GLYATL1: variants seen among roughly 807,000 people sequenced by gnomAD.
GLYATL1 encodes glycine-N-acyltransferase like 1, also known as glycine N-acyltransferase-like protein 1.
In GLYATL1, 15 loss-of-function variants were observed where a neutral mutation model predicts 20.0. That is an observed-to-expected ratio of 0.75 (90% CI 0.50 to 1.15). The LOEUF (loss-of-function observed/expected upper bound fraction) is 1.15, where lower values mean the gene tolerates loss of function less well. Among genes scored for constraint, GLYATL1 ranks in the 50% most tolerant of loss-of-function variants. GLYATL1 has a pLI of 0.00. For synonymous variants in GLYATL1, 151 were observed against 131.5 expected, an observed-to-expected ratio of 1.15 and a Z score of -1.01; for missense variants, 380 against 368.5, an observed-to-expected ratio of 1.03 and a Z score of -0.26.
chr11:58,918,504 T>C (rs1382700101), intron 1 of GLYATL1, among the ~76,000 whole-genome samples: 1 of 152,196 alleles, frequency 6.6e-6, no homozygotes, highest in African/African-American at 2.4e-5. Flanking sequence ...CCATGTAGTA[T>C]GCATGCAGGG....
In GLYATL1 at chr11:58,943,673, TC is replaced by T; in HGVS notation, c.-43+10del. 3 of 1,611,612 alleles carry T rather than the reference TC, an allele frequency of 1.9e-6. No homozygotes were observed. The highest frequency in any genetic ancestry group is 8.5e-7 in the Non-Finnish European group (1 of 1,178,990). On this transcript the variant is annotated splice_region_variant and intron_variant, in intron 2 of 6. Transcript: ENST00000532726. Reference sequence around the variant, plus strand: ...GAGTGGCTGAGGATAATAGGTAAGCTCCCTCTCGCATTTTGGAGCTTCACAC... The same window carrying T: ...GAGTGGCTGAGGATAATAGGTAAGCTCCTCTCGCATTTTGGAGCTTCACAC...
At chr11:58,915,699 C>A (rs184136079) in intron 1 of GLYATL1, among the ~76,000 whole-genome samples, 1 of 152,170 alleles carries the variant, frequency 6.6e-6, no homozygotes, top group Non-Finnish European at 1.5e-5. Flanking sequence ...ACTCAGACAC[C>A]GATTGGGACT....
At position 58,956,001 on chromosome 11, in the gene GLYATL1, T is replaced by C. The variant is rs375657001; in HGVS notation, c.883T>C (p.Tyr295His). The stretch of plus-strand genomic sequence containing the variant: ...CTGTGAGTGGCACCAATGGACTTGC[T>C]ACCCACAGAATCTAGTTCCATTTTA... ...ASCEWHQWTC[Y>H]PQNLVPF Residue 295 changes from tyrosine to histidine, a missense_variant, in exon 7 of 7, where the codon TAC becomes CAC. Tyr to His is a moderately conservative substitution (Grantham distance 83). Transcript: ENST00000532726. 6.8e-6 allele frequency: 11 copies of C among 1,612,086 alleles called. No homozygotes were observed. In the African/African-American group the frequency reaches 1.1e-4, roughly 16 times the overall value.
chr11:58,943,251 T>G lies in GLYATL1; in HGVS notation c.-166-292T>G, dbSNP rs748177788. 4.6e-6 allele frequency: 7 copies of G among 1,519,712 alleles called. No individual in the cohort carries two copies. In the East Asian group the frequency reaches 7.4e-5, roughly 16 times the overall value. The allele number at this position is 1,519,712 out of a possible 1,614,324, so 94.1% of individuals were successfully genotyped here. On this transcript the variant is annotated intron_variant, in intron 1 of 6. Coordinates refer to ENST00000532726, the MANE Select transcript of GLYATL1 (RefSeq NM_001389712.2). ...GTGTGCACCTGTAACAATACTCCAG[T>G]GTTGGCCAATCCCAGCAGCCATACT...
chr11:58,946,843 T>C, intron 2 of GLYATL1: 1 of 611,964 alleles, frequency 1.6e-6, no homozygotes, highest in Non-Finnish European at 2.9e-6. Flanking sequence ...GAGACAGTCA[T>C]ATATGGTTTC....
At chr11:58,912,654 G>A (rs11229692), downstream of GLYATL1, among the ~76,000 whole-genome samples, 3,751 of 152,196 alleles carry the variant, frequency 0.025, 254 homozygotes, top group East Asian at 0.27. Context: ...CTTTATTTAC[G>A]TCTTATGGGA....
Position 58,947,887 on chromosome 11 carries a change from C to G in GLYATL1, c.108C>G (p.His36Gln), listed in dbSNP as rs762979756. 1 of 1,613,676 alleles carries G rather than the reference C, an allele frequency of 6.2e-7. No homozygotes were observed. Among genetic ancestry groups the G allele is most frequent in the South Asian group, 1.1e-5 (1 of 91,080 alleles). Residue 36 changes from histidine (H) to glutamine (Q), a missense_variant, in exon 4 of 7, where the codon CAC (histidine) becomes CAG (glutamine). By Grantham distance (24) the His-to-Gln change is conservative. Transcript: ENST00000532726. Reference sequence around the variant, plus strand: ...ATGGCTCTGTGTATCACATCAATCACGGGAACCCCTTCAACATGGAGGTGC... The same window carrying G: ...ATGGCTCTGTGTATCACATCAATCAGGGGAACCCCTTCAACATGGAGGTGC... ...KVYGSVYHIN[H>Q]GNPFNMEVLV...
upstream of GLYATL1, among the ~76,000 whole-genome samples, chr11:58,935,857 A>G (rs1354099013): frequency 6.6e-6 from 1 of 152,218 alleles, no homozygotes; most frequent in African/African-American, 2.4e-5. Context: ...ATGAGTATGT[A>G]TGTATTCACC....
intron 4 of GLYATL1, among the ~76,000 whole-genome samples, chr11:58,952,460 A>C (rs1288328291): frequency 1.3e-5 from 2 of 152,168 alleles, no homozygotes; most frequent in East Asian, 1.9e-4. Flanking sequence ...GGATCTTTTC[A>C]TCTGTTACCA....
intron 1 of GLYATL1, among the ~76,000 whole-genome samples, chr11:58,919,553 G>A (rs946304817): frequency 6.6e-6 from 1 of 152,126 alleles, no homozygotes; most frequent in African/African-American, 2.4e-5. Context: ...CCAAATCTGG[G>A]AATAATGTCT....
At position 58,934,428 on chromosome 11, in the gene GLYATL1, GTT is replaced by G. The variant is rs1565123974; in HGVS notation, c.-212+6601_-212+6602del. On this transcript the variant is annotated intron_variant, in intron 1 of 7. Coordinates refer to the GLYATL1 transcript ENST00000317391. ...TGTGGTGAGATGGGGCCAGTCTAAA[GTT>G]TGAGACCATAGGTGCTAGACTGGTG... 2.0e-5 allele frequency: 3 copies of G among 152,486 alleles called. No homozygotes were observed. In the South Asian group the frequency reaches 6.2e-4, roughly 32 times the overall value. The allele number at this position is 152,486 out of a possible 1,614,324, so 9.4% of individuals were successfully genotyped here.
chr11:58,955,507 G>A, intron 6 of GLYATL1, 103 bp from the exon 7 acceptor site: 3 of 1,414,480 alleles, frequency 2.1e-6, no homozygotes, highest in South Asian at 2.7e-5. Context: ...GCAATGGTGA[G>A]TCTTTAAACA....
At chr11:58,928,053 G>A (rs1258303797) in intron 1 of GLYATL1, among the ~76,000 whole-genome samples, 2 of 152,086 alleles carry the variant, frequency 1.3e-5, no homozygotes, top group South Asian at 2.1e-4. Flanking sequence ...CTTGTTTCCC[G>A]GAGCTCTATG....
intron 3 of GLYATL1, 178 bp downstream of exon 3, chr11:58,947,343 G>T: frequency 1.2e-6 from 1 of 835,678 alleles, no homozygotes; most frequent in Non-Finnish European, 1.8e-6. Context: ...GGAAGAGGCA[G>T]CTAGGTCCAC....
intron 2 of GLYATL1, among the ~76,000 whole-genome samples, chr11:58,945,905 A>G (rs1220449100): frequency 6.6e-6 from 1 of 152,226 alleles, no homozygotes; most frequent in Non-Finnish European, 1.5e-5. Context: ...TACAGAACAT[A>G]GTTTAACTTT....
intron 3 of GLYATL1, 31 bp downstream of exon 3, chr11:58,947,196 G>A (rs758481995): frequency 1.9e-6 from 3 of 1,604,602 alleles, no homozygotes; most frequent in South Asian, 2.2e-5. Context: ...CAGGGTATGG[G>A]AGTAGGGGTG....
chr11:58,924,368 G>T (rs539441237), upstream of GLYATL1, among the ~76,000 whole-genome samples: 2 of 152,242 alleles, frequency 1.3e-5, no homozygotes, highest in Admixed American at 6.5e-5. Context: ...AGACTTAACC[G>T]GGGAAGCCTC....
intron 1 of GLYATL1, among the ~76,000 whole-genome samples, chr11:58,932,034 C>A (rs1364441179): frequency 6.9e-5 from 10 of 144,068 alleles, no homozygotes; most frequent in Non-Finnish European, 1.0e-4. Context: ...ATCACTTGAA[C>A]CCGGGATGTG....
At chr11:58,939,034 A>T (rs1855965727), upstream of GLYATL1, among the ~76,000 whole-genome samples, 2 of 151,284 alleles carry the variant, frequency 1.3e-5, no homozygotes, top group South Asian at 4.2e-4. Context: ...CTGTAGTCCC[A>T]TAGAGAATTT....
Sources: allele counts gnomAD v4.1 joint callset (sites outside exome capture counted in the v4.1 genomes callset), GRCh38; gene constraint gnomAD v4.1.1; transcripts MANE v1.5; gene names NCBI Gene and HGNC (gene_info 2026-07-23, HGNC 2026-07-21).